The following HEMK2 variants were observed in gnomAD, a reference collection of about 807,000 sequenced individuals.
HEMK2 encodes the protein HemK methyltransferase 2, ETF1 glutamine and histone H4 lysine, also known as methyltransferase HEMK2.
the HEMK2 span, among the ~76,000 whole-genome samples, chr21:28,611,206 A>C: frequency 1.3e-5 from 2 of 152,350 alleles, no homozygotes; most frequent in Non-Finnish European, 2.9e-5. Context: ...GTACTCTCTC[A>C]GACCAAAGTG....
At chr21:28,817,303 T>C in the HEMK2 span, among the ~76,000 whole-genome samples, 4 of 152,298 alleles carry the variant, frequency 2.6e-5, no homozygotes, top group African/African-American at 9.6e-5. Context: ...CTTTCTGAAA[T>C]AGTTTCTCAA....
chr21:28,603,549 A>ATGTGTGTGTGTGTGTGTGTGTG, the HEMK2 span, among the ~76,000 whole-genome samples: 7 of 135,822 alleles, frequency 5.2e-5, no homozygotes, highest in African/African-American at 1.4e-4. Context: ...GAGGATATAT[A>ATGTGTGTGTGTGTGTGTGTGTG]TGTGTGTGTG....
the HEMK2 span, among the ~76,000 whole-genome samples, chr21:28,655,918 G>A: frequency 6.6e-6 from 1 of 151,990 alleles, no homozygotes; most frequent in South Asian, 2.1e-4. Context: ...TATAACTTGA[G>A]ATTGCTTCTA....
the HEMK2 span, among the ~76,000 whole-genome samples, chr21:28,863,410 TTA>T: frequency 1.5e-4 from 6 of 38,970 alleles, no homozygotes; most frequent in South Asian, 1.8e-3. Context: ...AAACTCCCTT[TTA>T]TATATATATA....
the HEMK2 span, among the ~76,000 whole-genome samples, chr21:28,611,009 A>C: frequency 6.6e-5 from 10 of 152,318 alleles, no homozygotes; most frequent in African/African-American, 2.4e-4. Flanking sequence ...AGTTCAAAAA[A>C]GAAACAATGA....
At chr21:28,590,589 C>A in the HEMK2 span, among the ~76,000 whole-genome samples, 8 of 152,104 alleles carry the variant, frequency 5.3e-5, no homozygotes, top group African/African-American at 1.9e-4. Flanking sequence ...ATGCAACAAG[C>A]TGGCTGCAGA....
the HEMK2 span, among the ~76,000 whole-genome samples, chr21:28,837,321 GAAAATT>G: frequency 6.6e-6 from 1 of 152,038 alleles, no homozygotes; most frequent in East Asian, 1.9e-4. Context: ...ATAAATTTAA[GAAAATT>G]AAAATTATAT....
At chr21:28,721,616 G>T in the HEMK2 span, among the ~76,000 whole-genome samples, 7 of 152,092 alleles carry the variant, frequency 4.6e-5, no homozygotes, top group African/African-American at 1.7e-4. Context: ...TTTATAGTAA[G>T]AATTTATAGT....
chr21:28,867,494 G>A, the HEMK2 span, among the ~76,000 whole-genome samples: 1 of 152,314 alleles, frequency 6.6e-6, no homozygotes, highest in Admixed American at 6.5e-5. Context: ...ACACTGCACT[G>A]TCGAGAAATG....
the HEMK2 span, among the ~76,000 whole-genome samples, chr21:28,695,843 G>C: frequency 6.6e-6 from 1 of 151,600 alleles, no homozygotes; most frequent in African/African-American, 2.4e-5. Flanking sequence ...TCTCATCTAA[G>C]ACAAGGCAAG....
the HEMK2 span, among the ~76,000 whole-genome samples, chr21:28,590,981 A>G: frequency 8.4e-4 from 128 of 152,358 alleles, no homozygotes; most frequent in Non-Finnish European, 1.5e-3. Flanking sequence ...TGGATCACCA[A>G]TGACATCTTT....
the HEMK2 span, among the ~76,000 whole-genome samples, chr21:28,866,680 C>A: frequency 1.3e-5 from 2 of 152,028 alleles, no homozygotes; most frequent in East Asian, 1.9e-4. Flanking sequence ...TTGCAGTGAG[C>A]CAAAATTGCG....
At chr21:28,729,171 T>C in the HEMK2 span, among the ~76,000 whole-genome samples, 2 of 152,310 alleles carry the variant, frequency 1.3e-5, no homozygotes, top group South Asian at 2.1e-4. Context: ...CAAAATAACA[T>C]GGGCAGGTGC....
chr21:28,874,919 A>G, the HEMK2 span: 26,201 of 152,264 alleles, frequency 0.17, 2,356 homozygotes, highest in South Asian at 0.23. Context: ...TGTGTCCACC[A>G]GGAGGATTTC....
the HEMK2 span, among the ~76,000 whole-genome samples, chr21:28,601,518 G>A: frequency 0.034 from 5,122 of 151,374 alleles, 124 homozygotes; most frequent in African/African-American, 0.064. Context: ...ATTTACAATC[G>A]CACTACACCC....
chr21:28,670,230 A>G, the HEMK2 span, among the ~76,000 whole-genome samples: 1 of 152,222 alleles, frequency 6.6e-6, no homozygotes, highest in Non-Finnish European at 1.5e-5. Context: ...AACTAAATAC[A>G]GAATTTATAG....
chr21:28,625,955 CA>C, the HEMK2 span, among the ~76,000 whole-genome samples: 220 of 152,194 alleles, frequency 1.4e-3, no homozygotes, highest in African/African-American at 5.2e-3. Flanking sequence ...AAGAATTTGT[CA>C]GCATCAATCT....
chr21:28,679,031 T>C, the HEMK2 span, among the ~76,000 whole-genome samples: 2 of 152,158 alleles, frequency 1.3e-5, no homozygotes, highest in East Asian at 3.9e-4. Context: ...CAGGATCAAA[T>C]TCACACATGA....
the HEMK2 span, among the ~76,000 whole-genome samples, chr21:28,667,463 T>C: frequency 2.0e-5 from 3 of 152,122 alleles, no homozygotes; most frequent in Non-Finnish European, 4.4e-5. Flanking sequence ...TCCTTCACTC[T>C]CAAGAATGTG....
Sources: gnomAD v4.1 joint callset for allele counts (sites outside exome capture counted in the v4.1 genomes callset) on GRCh38, gnomAD v4.1.1 for gene constraint, MANE v1.5 for transcripts, NCBI Gene and HGNC (gene_info 2026-07-23, HGNC 2026-07-21) for gene names.